PKHD1L1: variants seen among roughly 807,000 people sequenced by gnomAD.
PKHD1L1 encodes fibrocystin-L.
A neutral mutation model predicts 462.9 loss-of-function variants in PKHD1L1; 434 were observed. The ratio of observed to expected loss-of-function variants is 0.94; its 90% CI spans 0.87 to 1.02. The LOEUF is 1.02. PKHD1L1 is among the 50% of genes least tolerant of loss of function. The pLI, the probability that PKHD1L1 is intolerant of heterozygous loss-of-function variation, is 0.00. For synonymous variants in PKHD1L1, 1,781 were observed against 1,750.0 expected (o/e 1.02, Z -0.44); for missense variants, 5,202 against 5,096.1 (o/e 1.02, Z -0.63).
At chr8:109,438,760 CCTTTTG>C (rs1171515618) in intron 31 of PKHD1L1, 131 bp from the exon 32 acceptor site, 2 of 727,798 alleles carry the variant, frequency 2.7e-6, no homozygotes, top group Non-Finnish European at 4.3e-6. Flanking sequence ...CATTGTTTTT[CCTTTTG>C]CCTCTCAAAG....
rs977397745 is a variant in PKHD1L1, at chr8:109,490,862, A to G, written c.9985-110A>G. 6 of 912,776 alleles carry G rather than the reference A, an allele frequency of 6.6e-6. No homozygotes were observed. The African/African-American group carries it at 1.0e-4, about 15-fold the overall frequency. The allele number at this position is 912,776 out of a possible 1,614,324, so 56.5% of individuals were successfully genotyped here. On this transcript the variant is annotated intron_variant, in intron 60 of 77. Transcript: ENST00000378402. ...ATCATCTTTAAGAGAAAGTGAATTG[A>G]GTATTGATTATTGATAAAGGTTTGT...
At chr8:109,413,615 C>T in intron 21 of PKHD1L1, 70 bp downstream of exon 21, 3 of 1,259,486 alleles carry the variant, frequency 2.4e-6, no homozygotes, top group Non-Finnish European at 3.1e-6. Context: ...AAGACAAATC[C>T]ATTTCTTGGG....
chr8:109,514,825 C>T (rs1016804076), intron 71 of PKHD1L1, among the ~76,000 whole-genome samples: 1 of 152,010 alleles, frequency 6.6e-6, no homozygotes, highest in Non-Finnish European at 1.5e-5. Flanking sequence ...CTGCATTATA[C>T]AGAGTATAGC....
intron 23 of PKHD1L1, 116 bp from the exon 24 acceptor site, chr8:109,424,969 C>A: frequency 1.2e-6 from 1 of 863,498 alleles, no homozygotes; most frequent in African/African-American, 1.8e-5. Flanking sequence ...TCTGAAGAAT[C>A]CTGAATACAT....
At chr8:109,512,676 C>T (rs1211234490) in intron 71 of PKHD1L1, among the ~76,000 whole-genome samples, 21 of 152,154 alleles carry the variant, frequency 1.4e-4, no homozygotes, top group Middle Eastern at 3.4e-3. Flanking sequence ...CTTGGCGTTG[C>T]GGGCTCTTTT....
At chr8:109,389,505 T>A (rs1198077407) in intron 8 of PKHD1L1, among the ~76,000 whole-genome samples, 1 of 28,674 alleles carries the variant, frequency 3.5e-5, no homozygotes, top group Non-Finnish European at 7.8e-5. Flanking sequence ...TAAGAGTGTG[T>A]GTGTGTGTGT....
chr8:109,456,461 A>G (rs1816833246), intron 46 of PKHD1L1, 70 bp downstream of exon 46: 1 of 1,395,550 alleles, frequency 7.2e-7, no homozygotes, highest in Non-Finnish European at 9.5e-7. Flanking sequence ...AAGAGGGACA[A>G]TTCAGATGGT....
chr8:109,463,892 A>G (rs1410015764), intron 48 of PKHD1L1, among the ~76,000 whole-genome samples: 1 of 152,214 alleles, frequency 6.6e-6, no homozygotes, highest in African/African-American at 2.4e-5. Flanking sequence ...GAAGCAAAGT[A>G]AAGTAAAAGA....
chr8:109,377,350 C>T (rs571110360), intron 2 of PKHD1L1, among the ~76,000 whole-genome samples: 2 of 152,100 alleles, frequency 1.3e-5, no homozygotes, highest in South Asian at 2.1e-4. Flanking sequence ...TCTGGGTTTA[C>T]CTTTTTTTGT....
intron 56 of PKHD1L1, among the ~76,000 whole-genome samples, chr8:109,482,521 A>T (rs1036430098): frequency 2.0e-5 from 3 of 151,750 alleles, no homozygotes; most frequent in African/African-American, 7.2e-5. Context: ...TTGTGGTGAT[A>T]GTATTGTTCC....
At chr8:109,471,659 T>C (rs1223032078) in intron 50 of PKHD1L1, among the ~76,000 whole-genome samples, 1 of 152,194 alleles carries the variant, frequency 6.6e-6, no homozygotes, top group Non-Finnish European at 1.5e-5. Flanking sequence ...CCCATAGTGC[T>C]TCACAAAATG....
chr8:109,417,114 A>G (rs528342891), intron 21 of PKHD1L1, among the ~76,000 whole-genome samples: 1 of 152,304 alleles, frequency 6.6e-6, no homozygotes, highest in East Asian at 1.9e-4. Context: ...GCTAGAAAGA[A>G]TGAATAAGAC....
At chr8:109,378,142 CA>C (rs902970939) in intron 2 of PKHD1L1, among the ~76,000 whole-genome samples, 3 of 152,108 alleles carry the variant, frequency 2.0e-5, no homozygotes, top group African/African-American at 7.2e-5. Flanking sequence ...AATTAAACTC[CA>C]AAAAATGTTA....
At chr8:109,406,569 C>T (rs1461415352) in intron 17 of PKHD1L1, 91 bp downstream of exon 17, 1 of 1,334,124 alleles carries the variant, frequency 7.5e-7, no homozygotes, top group Non-Finnish European at 9.9e-7. Context: ...GAGAAAAAGA[C>T]TTGGTTAATC....
intron 46 of PKHD1L1, among the ~76,000 whole-genome samples, chr8:109,456,913 A>G (rs1486067073): frequency 6.6e-6 from 1 of 152,188 alleles, no homozygotes; most frequent in Non-Finnish European, 1.5e-5. Flanking sequence ...AAATAATTAT[A>G]CAAAAAGTGA....
rs745462101 is a variant in PKHD1L1 at position 109,486,735 on chromosome 8, G to A, written c.9794G>A (p.Gly3265Asp). 14 of 1,612,380 alleles carry A rather than the reference G, an allele frequency of 8.7e-6. No homozygotes were observed. Among genetic ancestry groups the A allele is most frequent in the Admixed American group, 1.7e-5 (1 of 59,886 alleles). Residue 3265 changes from glycine (G) to aspartate (D), a missense_variant, in exon 59 of 78, where the codon GGT (glycine) becomes GAT (aspartate). Transcript: ENST00000378402. The part of the protein sequence containing the change: ...GILSRNIKIV[G>D]EDYPGWSEDS... ...CTGAGTAGGAACATCAAAATAGTTGGTGAAGATTACCCCGGTTGGTCTGAG... is the reference window on the plus strand; with the variant it reads ...CTGAGTAGGAACATCAAAATAGTTGATGAAGATTACCCCGGTTGGTCTGAG...
chr8:109,499,652 A>G (rs899744261), intron 67 of PKHD1L1, among the ~76,000 whole-genome samples: 3 of 152,248 alleles, frequency 2.0e-5, no homozygotes, highest in Admixed American at 6.5e-5. Flanking sequence ...ATTAATAACT[A>G]TTATTCTTTC....
rs531853292 is a variant in PKHD1L1, at chr8:109,419,113, A to G, written c.2377A>G (p.Ile793Val). The G allele has an allele frequency of 1.5e-5, 24 of 1,613,332 alleles. No individual in the cohort carries two copies. The East Asian group carries it at 4.5e-4, about 30-fold the overall frequency. The change falls in exon 22 of 78, where the codon ATA (isoleucine) becomes GTA (valine). Residue 793 changes from isoleucine (I) to valine (V), a missense_variant. By Grantham distance (29) the Ile-to-Val change is conservative. Transcript: ENST00000378402. ...GTATTTCAGCTGGACTTACACTTGC[A>G]TAGACCTTCTGGATCTCGTAAGAAC... ...AYGNNWTYTC[I>V]DLLDLVRTKY... is the part of the protein sequence containing the mutation.
chr8:109,426,988 C>T lies in PKHD1L1; in HGVS notation c.2846-14C>T, dbSNP rs576736043. 2.2e-6 allele frequency: 3 copies of T among 1,382,942 alleles called. No individual in the cohort carries two copies. Among genetic ancestry groups the T allele is most frequent in the East Asian group, 2.3e-5 (1 of 43,850 alleles). The allele number at this position is 1,382,942 out of a possible 1,614,324, so 85.7% of individuals were successfully genotyped here. Reference sequence around the variant, plus strand: ...TTGTGACTCCTGCTGTTTGCCACCCCTCTGTGAGTGCAGGCCTCCCCGCTG... The same window carrying T: ...TTGTGACTCCTGCTGTTTGCCACCCTTCTGTGAGTGCAGGCCTCCCCGCTG... On this transcript the variant is annotated splice_polypyrimidine_tract_variant and intron_variant, in intron 24 of 77. Coordinates refer to ENST00000378402, the MANE Select transcript of PKHD1L1 (RefSeq NM_177531.6).
Sources: allele counts gnomAD v4.1 joint callset (sites outside exome capture counted in the v4.1 genomes callset), GRCh38; gene constraint gnomAD v4.1.1; transcripts MANE v1.5; gene names NCBI Gene and HGNC (gene_info 2026-07-23, HGNC 2026-07-21).